Variants in TXNDC16 observed in about 807,000 individuals in gnomAD.
TXNDC16 encodes thioredoxin domain-containing protein 16.
In TXNDC16, 74 loss-of-function variants were observed where a neutral mutation model predicts 85.6. The ratio of observed to expected loss-of-function variants is 0.86; its 90% CI spans 0.72 to 1.05. The LOEUF is 1.05. TXNDC16 is among the 50% of genes least tolerant of loss of function. TXNDC16 has a pLI of 0.00. For missense variants in TXNDC16, 959 were observed against 947.0 expected, an observed-to-expected ratio of 1.01 and a Z score of -0.17; for synonymous variants, 335 against 326.5, an observed-to-expected ratio of 1.03 and a Z score of -0.28.
At chr14:52,514,295 G>A (rs2140186101) in intron 8 of TXNDC16, among the ~76,000 whole-genome samples, 1 of 152,160 alleles carries the variant, frequency 6.6e-6, no homozygotes, top group East Asian at 1.9e-4. Context: ...GGCATTAAAA[G>A]GTCATACAAT....
chr14:52,541,994 A>C (rs1386436421), intron 4 of TXNDC16, among the ~76,000 whole-genome samples: 3 of 152,224 alleles, frequency 2.0e-5, no homozygotes, highest in African/African-American at 4.8e-5. Flanking sequence ...TTGTTACTTC[A>C]GTTTGTGCTA....
chr14:52,467,133 C>T (rs918237094), intron 16 of TXNDC16, among the ~76,000 whole-genome samples: 1 of 151,836 alleles, frequency 6.6e-6, no homozygotes, highest in African/African-American at 2.4e-5. Context: ...CACACACACA[C>T]ACATATAGAT....
At chr14:52,494,103 T>C (rs1320234477) in intron 9 of TXNDC16, among the ~76,000 whole-genome samples, 1 of 151,794 alleles carries the variant, frequency 6.6e-6, no homozygotes, top group Non-Finnish European at 1.5e-5. Context: ...CTGTCTACCA[T>C]AGGTAAGTAT....
intron 9 of TXNDC16, among the ~76,000 whole-genome samples, chr14:52,505,472 T>C (rs1290988092): frequency 2.0e-5 from 3 of 152,082 alleles, no homozygotes; most frequent in Admixed American, 6.6e-5. Context: ...GAATACTGGG[T>C]ACATAACGAA....
At chr14:52,522,139 A>T (rs1223334683) in intron 6 of TXNDC16, among the ~76,000 whole-genome samples, 7 of 152,198 alleles carry the variant, frequency 4.6e-5, no homozygotes, top group Non-Finnish European at 1.0e-4. Flanking sequence ...TACCATGTAA[A>T]TTCTAGGCTT....
chr14:52,448,752 GATATAA>G (rs1362141312), intron 18 of TXNDC16, among the ~76,000 whole-genome samples: 1 of 152,028 alleles, frequency 6.6e-6, no homozygotes, highest in Non-Finnish European at 1.5e-5. Flanking sequence ...GGTACAATAA[GATATAA>G]ATAGAAGCAA....
At chr14:52,520,710 TAAGTATGTA>T (rs896370342) in intron 6 of TXNDC16, among the ~76,000 whole-genome samples, 1 of 152,192 alleles carries the variant, frequency 6.6e-6, no homozygotes, top group Middle Eastern at 3.2e-3. Flanking sequence ...CCCATGTGCA[TAAGTATGTA>T]TTTTTGATAG....
At chr14:52,484,956 G>A (rs533669332) in intron 12 of TXNDC16, among the ~76,000 whole-genome samples, 2 of 152,242 alleles carry the variant, frequency 1.3e-5, no homozygotes, top group South Asian at 4.1e-4. Flanking sequence ...TAAAGGACTA[G>A]ATTATTGGTT....
rs571634578 is a variant in TXNDC16, at chr14:52,545,957, C to CT, written c.-181-1587dup. On this transcript the variant is annotated intron_variant, in intron 1 of 20. Coordinates refer to ENST00000281741, the MANE Select transcript of TXNDC16 (RefSeq NM_020784.3). ...AAGGTACTTGGTGACTTTTTTTTTT[C>CT]TTTTTTTACCTCCAGTAATTAGAAA... 1.5e-4 allele frequency among the ~76,000 whole-genome samples: 22 copies of CT among 150,360 alleles called. No individual in the cohort carries two copies. The South Asian group carries it at 4.6e-3, about 31-fold the overall frequency.
At chr14:52,436,699 A>G (rs2035035665) in intron 20 of TXNDC16, among the ~76,000 whole-genome samples, 1 of 152,202 alleles carries the variant, frequency 6.6e-6, no homozygotes, top group African/African-American at 2.4e-5. Context: ...GATTGACCCT[A>G]AAATAAATTA....
chr14:52,542,423 T>G lies in TXNDC16; in HGVS notation c.191A>C (p.Glu64Ala), dbSNP rs2037851388. 1.2e-6 allele frequency: 2 copies of G among 1,612,838 alleles called. No homozygotes were observed. The highest frequency in any genetic ancestry group is 1.7e-6 in the Non-Finnish European group (2 of 1,179,336). ...CAGAGGTCTAACAGCCTCATTCAGT[T>G]CTTCAAGAAATACAGATGTTCTTGG... ...DSPRTSVFLE[E>A]LNEAVRPLQD... Residue 64 changes from glutamate to alanine, a missense_variant, in exon 4 of 21, where the codon GAA becomes GCA. By Grantham distance (107) the Glu-to-Ala change is moderately radical. Transcript: ENST00000281741.
At chr14:52,549,930 C>G (rs1367168912) in intron 1 of TXNDC16, among the ~76,000 whole-genome samples, 3 of 152,162 alleles carry the variant, frequency 2.0e-5, no homozygotes, top group African/African-American at 7.2e-5. Context: ...AGCCACCATG[C>G]CCGACCCAAA....
Position 52,470,548 on chromosome 14 carries a change from A to C in TXNDC16, c.1445T>G (p.Met482Arg). Residue 482 changes from methionine to arginine, a missense_variant, in exon 15 of 21, where the codon ATG becomes AGG. Coordinates refer to ENST00000281741, the MANE Select transcript of TXNDC16 (RefSeq NM_020784.3). ...KGENPVSYAG[M>R]LGTEDLLKFI... ...TTTTAGGAGATCTTCGGTTCCTAAC[A>C]TTCCAGCATAAGATACTGGGTTCTC... 1 of 1,613,540 alleles carries C rather than the reference A, an allele frequency of 6.2e-7. No individual in the cohort carries two copies. Among genetic ancestry groups the C allele is most frequent in the African/African-American group, 1.3e-5 (1 of 75,036 alleles).
At chr14:52,490,791 A>T in intron 10 of TXNDC16, 48 bp downstream of exon 10, 2 of 1,561,766 alleles carry the variant, frequency 1.3e-6, no homozygotes, top group Non-Finnish European at 1.7e-6. Flanking sequence ...AAACGTGGAA[A>T]CTATTAGCGT....
intron 18 of TXNDC16, among the ~76,000 whole-genome samples, chr14:52,448,539 G>C (rs2035336344): frequency 6.6e-6 from 1 of 152,056 alleles, no homozygotes; most frequent in Non-Finnish European, 1.5e-5. Context: ...AAATGCTAAA[G>C]AGAATGCTTC....
rs139650040 is a variant in TXNDC16, at chr14:52,550,648, T to G, written c.-182+1668A>C. Among the ~76,000 whole-genome samples, 29 of 151,648 alleles carry G rather than the reference T, an allele frequency of 1.9e-4. No individual in the cohort carries two copies. In the East Asian group the frequency reaches 5.7e-3, roughly 30 times the overall value. On this transcript the variant is annotated intron_variant, in intron 1 of 20. Coordinates refer to ENST00000281741, the MANE Select transcript of TXNDC16 (RefSeq NM_020784.3). ...TACTATCCAGATGTTTACTATCACT[T>G]TGAGCAGAGAATAGAGGAGAAAAAG...
At chr14:52,468,390 A>G (rs2035825573) in intron 16 of TXNDC16, among the ~76,000 whole-genome samples, 1 of 152,346 alleles carries the variant, frequency 6.6e-6, no homozygotes, top group Non-Finnish European at 1.5e-5. Flanking sequence ...TATAGCTAAA[A>G]GCAATAGAAG....
chr14:52,505,590 C>T (rs537670811), intron 9 of TXNDC16, among the ~76,000 whole-genome samples: 2 of 152,320 alleles, frequency 1.3e-5, no homozygotes, highest in Admixed American at 6.5e-5. Flanking sequence ...ATTTATAGCG[C>T]TAAATGCCCA....
At chr14:52,432,610 G>A in intron 20 of TXNDC16, 23 bp from the exon 21 acceptor site, 1 of 1,572,918 alleles carries the variant, frequency 6.4e-7, no homozygotes, top group South Asian at 1.2e-5. Context: ...AACAATCAAA[G>A]GTTAAAGATT....
Sources: gnomAD v4.1 joint callset for allele counts (sites outside exome capture counted in the v4.1 genomes callset) on GRCh38, gnomAD v4.1.1 for gene constraint, MANE v1.5 for transcripts, NCBI Gene and HGNC (gene_info 2026-07-23, HGNC 2026-07-21) for gene names.